OTULINL: variants seen among roughly 807,000 people sequenced by gnomAD.
The protein encoded by OTULINL is OTU deubiquitinase with linear linkage specificity like, also known as inactive ubiquitin thioesterase OTULINL.
In OTULINL, 42 loss-of-function variants were observed where a neutral mutation model predicts 43.9. The observed-to-expected ratio is 0.96, with a 90% CI of 0.75 to 1.24. The LOEUF is 1.24. Among genes scored for constraint, OTULINL ranks in the 50% most tolerant of loss-of-function variants. The pLI is 0.00. For synonymous variants in OTULINL, 172 were observed against 153.6 expected (o/e 1.12, Z -0.88); for missense variants, 411 against 426.4 (o/e 0.96, Z 0.32).
rs1474783346 is a variant in OTULINL, at chr5:14,614,146, A to G, written c.*3832A>G. 1.3e-5 allele frequency among the ~76,000 whole-genome samples: 2 copies of G among 152,204 alleles called. No individual in the cohort carries two copies. Among genetic ancestry groups the G allele is most frequent in the African/African-American group, 4.8e-5 (2 of 41,442 alleles). ...TCTAAAGCTGTATGATTCTCTTTGC[A>G]AGAATGTTTTTCACACTGCTTAATA... On this transcript the variant is annotated 3_prime_UTR_variant, in exon 8 of 8. Coordinates refer to ENST00000274217, the MANE Select transcript of OTULINL (RefSeq NM_019018.3).
intron 1 of OTULINL, among the ~76,000 whole-genome samples, chr5:14,592,331 A>G (rs1759219072): frequency 6.6e-6 from 1 of 152,230 alleles, no homozygotes; most frequent in Admixed American, 6.5e-5. Flanking sequence ...TGCAGAGTGG[A>G]AATGATGGAA....
intron 1 of OTULINL, among the ~76,000 whole-genome samples, chr5:14,595,639 G>GC (rs1759273365): frequency 2.5e-5 from 2 of 79,226 alleles, no homozygotes; most frequent in East Asian, 3.7e-4. Flanking sequence ...CAAAAACGGT[G>GC]CTTTTTTTTT....
rs1759583613 is a variant in OTULINL, at chr5:14,611,603, A to G, written c.*1289A>G. Reference sequence around the variant, plus strand: ...AAGATAATAGATTTGTGTTTAAGCCACTAAGTTTGTGGTAATGTGTTGTAG... The same window carrying G: ...AAGATAATAGATTTGTGTTTAAGCCGCTAAGTTTGTGGTAATGTGTTGTAG... On this transcript the variant is annotated 3_prime_UTR_variant, in exon 8 of 8. Coordinates refer to ENST00000274217, the MANE Select transcript of OTULINL (RefSeq NM_019018.3). 1 of 152,214 alleles carries G rather than the reference A, an allele frequency of 6.6e-6. No individual in the cohort carries two copies. The highest frequency in any genetic ancestry group is 1.9e-4 in the East Asian group (1 of 5,198). 9.4% of individuals were successfully genotyped at this position (152,214 alleles called of 1,614,324 possible).
At chr5:14,603,866 G>T (rs1011538523) in intron 5 of OTULINL, among the ~76,000 whole-genome samples, 1 of 152,094 alleles carries the variant, frequency 6.6e-6, no homozygotes, top group Admixed American at 6.5e-5. Flanking sequence ...TAAGGATAGA[G>T]GTGCAAAGAA....
intron 5 of OTULINL, among the ~76,000 whole-genome samples, chr5:14,602,715 T>C (rs907765726): frequency 4.6e-5 from 7 of 152,138 alleles, no homozygotes; most frequent in African/African-American, 1.7e-4. Context: ...GGATTATAGG[T>C]GTGAGCCATC....
At chr5:14,599,817 T>G (rs250184) in intron 1 of OTULINL, among the ~76,000 whole-genome samples, 87,629 of 152,038 alleles carry the variant, frequency 0.58, 27,114 homozygotes, top group African/African-American at 0.82. Flanking sequence ...AACTCTCTAG[T>G]CCTGTTAGTT....
intron 1 of OTULINL, among the ~76,000 whole-genome samples, chr5:14,582,940 C>T (rs1385406501): frequency 2.6e-5 from 4 of 152,058 alleles, no homozygotes; most frequent in Admixed American, 1.3e-4. Flanking sequence ...TCCTAACCAG[C>T]CCCGAGAAAG....
At chr5:14,606,320 C>T (rs2126784219) in intron 5 of OTULINL, among the ~76,000 whole-genome samples, 1 of 152,270 alleles carries the variant, frequency 6.6e-6, no homozygotes, top group South Asian at 2.1e-4. Context: ...ATTCAGTCAC[C>T]TCCCACCAGG....
At chr5:14,605,920 T>C (rs1267944965) in intron 5 of OTULINL, among the ~76,000 whole-genome samples, 1 of 152,232 alleles carries the variant, frequency 6.6e-6, no homozygotes, top group African/African-American at 2.4e-5. Context: ...CGTTTTCCTG[T>C]CCTCTTCTGA....
At chr5:14,603,443 A>G (rs975727554) in intron 5 of OTULINL, among the ~76,000 whole-genome samples, 19 of 152,184 alleles carry the variant, frequency 1.2e-4, no homozygotes, top group African/African-American at 4.3e-4. Context: ...TATTCCCACC[A>G]ACAATGTATA....
rs1364472588 is a variant in OTULINL at position 14,581,869 on chromosome 5, C to G, written c.-26C>G. The G allele has an allele frequency of 9.3e-6, 13 of 1,401,630 alleles. No individual in the cohort carries two copies. The highest frequency in any genetic ancestry group is 2.6e-4 in the Middle Eastern group (1 of 3,858). The allele number at this position is 1,401,630 out of a possible 1,614,324, so 86.8% of individuals were successfully genotyped here. On this transcript the variant is annotated 5_prime_UTR_variant, in exon 1 of 8. Coordinates refer to ENST00000274217, the MANE Select transcript of OTULINL (RefSeq NM_019018.3). ...CCACTGCAGACCACGGGCCGAGGCCCAGCGCCCGTCCGCAGCGCGGCCGGC... is the reference window on the plus strand; with the variant it reads ...CCACTGCAGACCACGGGCCGAGGCCGAGCGCCCGTCCGCAGCGCGGCCGGC...
chr5:14,597,394 G>T (rs1423396786), intron 1 of OTULINL, among the ~76,000 whole-genome samples: 6 of 152,160 alleles, frequency 3.9e-5, no homozygotes, highest in Non-Finnish European at 8.8e-5. Flanking sequence ...GGCTTAGGGA[G>T]GGGAAATCAC....
chr5:14,582,166 C>G (rs182928074), intron 1 of OTULINL, among the ~76,000 whole-genome samples: 2,318 of 152,156 alleles, frequency 0.015, 60 homozygotes, highest in African/African-American at 0.053. Flanking sequence ...GGGGTCGAGC[C>G]GCTGTCGGGG....
In OTULINL at chr5:14,587,038, G is replaced by A. The variant is rs192214570; in HGVS notation, c.64+5080G>A. Among the ~76,000 whole-genome samples, 83 of 152,274 alleles carry A rather than the reference G, an allele frequency of 5.5e-4. 1 individual carries two copies. The highest frequency in any genetic ancestry group is 1.4e-3 in the African/African-American group (58 of 41,548). ...GAGCTGATGATGGTGGAAGCTCATC[G>A]GAGCGTGTACTTTGAACAGTCTGTG... is the stretch of plus-strand genomic sequence containing the variant. On this transcript the variant is annotated intron_variant, in intron 1 of 7. Transcript: ENST00000274217.
At chr5:14,605,155 T>C (rs909774637) in intron 5 of OTULINL, among the ~76,000 whole-genome samples, 2 of 152,094 alleles carry the variant, frequency 1.3e-5, no homozygotes, top group African/African-American at 4.8e-5. Context: ...TGGGTGGAGG[T>C]TCCCAACCCT....
At chr5:14,603,259 G>A (rs544836033) in intron 5 of OTULINL, among the ~76,000 whole-genome samples, 1 of 152,226 alleles carries the variant, frequency 6.6e-6, no homozygotes, top group African/African-American at 2.4e-5. Context: ...TTAGTTTGGG[G>A]CAACTATAAA....
chr5:14,591,987 T>C (rs1171607339), intron 1 of OTULINL, among the ~76,000 whole-genome samples: 1 of 152,236 alleles, frequency 6.6e-6, no homozygotes, highest in African/African-American at 2.4e-5. Context: ...TTTATTGGAT[T>C]GGAGCCCTGT....
At chr5:14,582,271 C>T (rs1759016749) in intron 1 of OTULINL, among the ~76,000 whole-genome samples, 1 of 151,852 alleles carries the variant, frequency 6.6e-6, no homozygotes, top group African/African-American at 2.4e-5. Flanking sequence ...TCTTTGGGGT[C>T]GGGGTCCCCT....
At chr5:14,593,214 A>G (rs962908005) in intron 1 of OTULINL, among the ~76,000 whole-genome samples, 1 of 152,238 alleles carries the variant, frequency 6.6e-6, no homozygotes, top group African/African-American at 2.4e-5. Context: ...AAAAAAGGGA[A>G]AAAGGAAATG....
Sources: allele counts gnomAD v4.1 joint callset (sites outside exome capture counted in the v4.1 genomes callset), GRCh38; gene constraint gnomAD v4.1.1; transcripts MANE v1.5; gene names NCBI Gene and HGNC (gene_info 2026-07-23, HGNC 2026-07-21).